The following DSE variants were observed in gnomAD, a reference collection of about 807,000 sequenced individuals.
DSE encodes the protein dermatan-sulfate epimerase.
DSE carries 36 observed loss-of-function variants against 84.4 expected under a neutral mutation model. That is an observed-to-expected ratio of 0.43 (90% CI 0.33 to 0.56). The LOEUF is 0.56. Among genes scored for constraint, DSE ranks in the 20% least tolerant of loss-of-function variants. The pLI, the probability that DSE is intolerant of heterozygous loss-of-function variation, is 0.06. For missense variants in DSE, 862 were observed against 1,169.6 expected (o/e 0.74, Z 3.84); for synonymous variants, 410 against 430.1 (o/e 0.95, Z 0.58).
At chr6:116,359,515 CT>C (rs1778767790) in intron 2 of DSE, among the ~76,000 whole-genome samples, 2 of 152,220 alleles carry the variant, frequency 1.3e-5, no homozygotes, top group African/African-American at 4.8e-5. Context: ...AGTTATATAG[CT>C]TTTGTTTCCT....
rs201438485 is a variant in DSE, at chr6:116,278,872, T to C, written c.-54+19905T>C. The C allele has an allele frequency of 2.8e-5, 45 of 1,614,062 alleles. No individual in the cohort carries two copies. Among genetic ancestry groups the C allele is most frequent in the Admixed American group, 3.3e-5 (2 of 60,006 alleles). Reference sequence around the variant, plus strand: ...GTTTCTTCTAAAGAAGAACTTGAACTTGCAACCGGTTCTAGGGTGTCTGAG... The same window carrying C: ...GTTTCTTCTAAAGAAGAACTTGAACCTGCAACCGGTTCTAGGGTGTCTGAG... On this transcript the variant is annotated intron_variant, in intron 2 of 3. Transcript: ENST00000430252.
chr6:116,314,084 A>AT (rs912438242), intron 2 of DSE, among the ~76,000 whole-genome samples: 5 of 148,838 alleles, frequency 3.4e-5, no homozygotes, highest in South Asian at 2.1e-4. Flanking sequence ...CCTTTCCCCC[A>AT]TTTTTTTTTC....
rs1562213648 is a variant in DSE at position 116,299,557 on chromosome 6, T to TATATAC, written c.-54+40591_-54+40592insTATACA. ...ATATATATATATATATATATACACA[T>TATATAC]ACACACACACACACACATACATATA... On this transcript the variant is annotated intron_variant, in intron 2 of 3. Coordinates refer to the DSE transcript ENST00000430252. Among the ~76,000 whole-genome samples, 19 of 69,330 alleles carry TATATAC rather than the reference T, an allele frequency of 2.7e-4. 1 individual carries two copies. The highest frequency in any genetic ancestry group is 1.8e-3 in the East Asian group (1 of 564). 45.5% of individuals were successfully genotyped at this position (69,330 alleles called of 152,430 possible).
intron 2 of DSE, chr6:116,278,547 G>A: frequency 6.2e-7 from 1 of 1,614,140 alleles, no homozygotes. Context: ...AGGGCCTGGG[G>A]ATCTCTACAG....
At chr6:116,283,526 TTTG>T (rs148204266) in intron 2 of DSE, among the ~76,000 whole-genome samples, 91,233 of 149,190 alleles carry the variant, frequency 0.61, 28,751 homozygotes, top group East Asian at 0.96. Flanking sequence ...GGGTAGATTC[TTTG>T]TTGTTGTTGT....
rs1014520460 is a variant in DSE, at chr6:116,382,653, CAAAG to C, written c.-54+11533_-54+11536del. Reference sequence around the variant, plus strand: ...TGTCACTGTCCAAATGTATAGGTGACAAAGGAAGAAATGAATGCTTGTGGAAAGG... The same window carrying C: ...TGTCACTGTCCAAATGTATAGGTGACGAAGAAATGAATGCTTGTGGAAAGG... On this transcript the variant is annotated intron_variant, in intron 1 of 5. Coordinates refer to ENST00000644252, the MANE Select transcript of DSE (RefSeq NM_013352.4). Among the ~76,000 whole-genome samples the C allele has an allele frequency of 2.0e-5, 3 of 152,002 alleles. No individual in the cohort carries two copies. In the East Asian group the frequency reaches 5.8e-4, roughly 29 times the overall value.
At chr6:116,370,082 G>A (rs1779420714), upstream of DSE, 1 of 652,174 alleles carries the variant, frequency 1.5e-6, no homozygotes, top group Admixed American at 3.3e-5. Context: ...CTGGCTGAGC[G>A]TGTTTGAGCA....
chr6:116,271,652 A>T (rs1346081242), intron 2 of DSE, among the ~76,000 whole-genome samples: 1 of 152,218 alleles, frequency 6.6e-6, no homozygotes, highest in Non-Finnish European at 1.5e-5. Flanking sequence ...ATAAGTTTTT[A>T]AAAAGGAATT....
chr6:116,391,831 T>A (rs1408580613), intron 1 of DSE, among the ~76,000 whole-genome samples: 1 of 151,836 alleles, frequency 6.6e-6, no homozygotes, highest in African/African-American at 2.4e-5. Context: ...GTCCACGGGC[T>A]TTACACATCA....
intron 1 of DSE, among the ~76,000 whole-genome samples, chr6:116,386,786 G>C (rs1780601973): frequency 6.6e-6 from 1 of 152,198 alleles, no homozygotes. Context: ...TCATGAGCTG[G>C]TAAAGGGCCA....
rs1004723372 is a variant in DSE, at chr6:116,371,071, C to T, written c.-104C>T. Reference sequence around the variant, plus strand: ...GAGTGAGGAGGACCGGGAGCTGGCTCTGGAGGCTGCGGAGGCGACGCCGGA... The same window carrying T: ...GAGTGAGGAGGACCGGGAGCTGGCTTTGGAGGCTGCGGAGGCGACGCCGGA... On this transcript the variant is annotated 5_prime_UTR_variant, in exon 1 of 6. Coordinates refer to ENST00000644252, the MANE Select transcript of DSE (RefSeq NM_013352.4). 26 of 986,022 alleles carry T rather than the reference C, an allele frequency of 2.6e-5. No homozygotes were observed. The highest frequency in any genetic ancestry group is 2.9e-5 in the Non-Finnish European group (24 of 830,536). 61.1% of individuals were successfully genotyped at this position (986,022 alleles called of 1,614,324 possible).
chr6:116,296,844 A>G (rs1774695390), intron 2 of DSE, among the ~76,000 whole-genome samples: 3 of 152,050 alleles, frequency 2.0e-5, no homozygotes, highest in Admixed American at 2.0e-4. Context: ...GGTAGGGTGA[A>G]TTTTTGGTAG....
chr6:116,403,106 G>A (rs890694377), intron 2 of DSE, among the ~76,000 whole-genome samples: 15 of 152,138 alleles, frequency 9.9e-5, no homozygotes, highest in South Asian at 8.3e-4. Context: ...TTTATTGTGT[G>A]TGTCTCTGAG....
rs73767732 is a variant in DSE at position 116,303,196 on chromosome 6, C to T, written c.-54+44229C>T. Among the ~76,000 whole-genome samples, 2 of 152,144 alleles carry T rather than the reference C, an allele frequency of 1.3e-5. 1 individual carries two copies. Among genetic ancestry groups the T allele is most frequent in the South Asian group, 4.1e-4 (2 of 4,820 alleles). ...TGAATTTCTCTTTACCTCCACCCCTCCCCTCAACTTTACCCTCTTTATCTC... is the reference window on the plus strand; with the variant it reads ...TGAATTTCTCTTTACCTCCACCCCTTCCCTCAACTTTACCCTCTTTATCTC... On this transcript the variant is annotated intron_variant, in intron 2 of 3. Transcript: ENST00000430252.
chr6:116,424,426 G>A (rs774366412), intron 2 of DSE, among the ~76,000 whole-genome samples: 2 of 152,150 alleles, frequency 1.3e-5, no homozygotes, highest in Non-Finnish European at 2.9e-5. Context: ...ACCAAACACC[G>A]AATGGTAACC....
intron 2 of DSE, among the ~76,000 whole-genome samples, chr6:116,356,154 A>G (rs993971366): frequency 6.6e-6 from 1 of 152,338 alleles, no homozygotes; most frequent in South Asian, 2.1e-4. Context: ...GATATAAGAC[A>G]TGATCCATGG....
chr6:116,440,301 T>G lies in DSE; in HGVS notation c.*2956T>G, dbSNP rs1337128718. 6.6e-6 allele frequency: 1 copy of G among 152,210 alleles called. No homozygotes were observed. The highest frequency in any genetic ancestry group is 1.5e-5 in the Non-Finnish European group (1 of 68,038). The allele number at this position is 152,210 out of a possible 1,614,324, so 9.4% of individuals were successfully genotyped here. On this transcript the variant is annotated 3_prime_UTR_variant, in exon 6 of 6. Transcript: ENST00000644252. Reference sequence around the variant, plus strand: ...TTGACTTACTCAGTTTTTAAAAAATTATTTTTATTTCTAGAGACACGGTCC... The same window carrying G: ...TTGACTTACTCAGTTTTTAAAAAATGATTTTTATTTCTAGAGACACGGTCC...
At chr6:116,369,966 G>C (rs187125366), upstream of DSE, 188 of 1,288,356 alleles carry the variant, frequency 1.5e-4, no homozygotes, top group African/African-American at 2.1e-3. Context: ...GTACAATCTA[G>C]GTCTGGTAGG....
chr6:116,345,021 AAG>A (rs1340498315), intron 2 of DSE, among the ~76,000 whole-genome samples: 1 of 151,788 alleles, frequency 6.6e-6, no homozygotes, highest in East Asian at 1.9e-4. Context: ...AAAAGAGACA[AAG>A]AAGACCATTA....
Sources: allele counts gnomAD v4.1 joint callset (sites outside exome capture counted in the v4.1 genomes callset), GRCh38; gene constraint gnomAD v4.1.1; transcripts MANE v1.5; gene names NCBI Gene and HGNC (gene_info 2026-07-23, HGNC 2026-07-21).